Variants in SAMD12 observed in about 807,000 individuals in gnomAD.
SAMD12 encodes sterile alpha motif domain containing 12.
SAMD12 carries 9 observed loss-of-function variants against 15.0 expected under a neutral mutation model. That is an observed-to-expected ratio of 0.60 (90% CI 0.36 to 1.05). The LOEUF is 1.05. SAMD12 is among the 50% of genes least tolerant of loss of function. The pLI is 0.01. For synonymous variants in SAMD12, 86 were observed against 90.1 expected (o/e 0.96, Z 0.25); for missense variants, 230 against 234.2 (o/e 0.98, Z 0.12).
chr8:118,215,386 C>A (rs1230916385), intron 4 of SAMD12, among the ~76,000 whole-genome samples: 1 of 151,832 alleles, frequency 6.6e-6, no homozygotes, highest in Non-Finnish European at 1.5e-5. Flanking sequence ...AATGTAATAT[C>A]AAAAATAAAT....
chr8:118,454,701 A>G (rs369121002), intron 2 of SAMD12, among the ~76,000 whole-genome samples: 21 of 152,328 alleles, frequency 1.4e-4, no homozygotes, highest in African/African-American at 5.1e-4. Context: ...TTAAGTACAC[A>G]CTGTTGTGTA....
Position 118,379,111 on chromosome 8 carries a change from A to G in SAMD12, c.*306T>C. 1.8e-6 allele frequency: 2 copies of G among 1,102,166 alleles called. No individual in the cohort carries two copies. Among genetic ancestry groups the G allele is most frequent in the African/African-American group, 1.6e-5 (1 of 62,638 alleles). 68.3% of individuals were successfully genotyped at this position (1,102,166 alleles called of 1,614,324 possible). A position where few individuals can be genotyped will look rare whatever the true frequency, so the allele number is the denominator to read the frequency against. On this transcript the variant is annotated 3_prime_UTR_variant, in exon 4 of 4. Coordinates refer to ENST00000314727, the MANE Select transcript of SAMD12 (RefSeq NM_207506.3). ...CAAAAATACAACAAAAACTCCACTT[A>G]TATCACTGGTCATCGTAACTATTGA...
At chr8:118,375,515 T>G (rs1236640208), downstream of SAMD12, among the ~76,000 whole-genome samples, 1 of 152,178 alleles carries the variant, frequency 6.6e-6, no homozygotes, top group Non-Finnish European at 1.5e-5. Context: ...TTAAATTGCG[T>G]GGCTTCTATT....
intron 2 of SAMD12, among the ~76,000 whole-genome samples, chr8:118,481,394 A>T (rs1419418192): frequency 6.6e-6 from 1 of 152,182 alleles, no homozygotes; most frequent in Non-Finnish European, 1.5e-5. Flanking sequence ...GTAGGAGCTA[A>T]AACAATATTT....
intron 1 of SAMD12, among the ~76,000 whole-genome samples, chr8:118,618,122 C>G (rs1290530085): frequency 5.3e-5 from 8 of 151,862 alleles, no homozygotes; most frequent in Admixed American, 5.2e-4. Context: ...GGCGGGAAAG[C>G]ATACCTGTAA....
At chr8:118,358,553 C>A (rs537537016) in intron 4 of SAMD12, among the ~76,000 whole-genome samples, 1 of 152,166 alleles carries the variant, frequency 6.6e-6, no homozygotes, top group African/African-American at 2.4e-5. Flanking sequence ...TTATCTTCTG[C>A]TTCTTTAGCC....
chr8:118,562,498 G>A (rs1281124154), intron 2 of SAMD12, among the ~76,000 whole-genome samples: 1 of 152,172 alleles, frequency 6.6e-6, no homozygotes, highest in African/African-American at 2.4e-5. Flanking sequence ...TCTCATAGAC[G>A]AAGGAAGGGA....
chr8:118,154,567 A>G, the SAMD12 span, among the ~76,000 whole-genome samples: 4 of 152,226 alleles, frequency 2.6e-5, no homozygotes, highest in Non-Finnish European at 5.9e-5. Flanking sequence ...CACAAAGCAG[A>G]AAAGTTTTCA....
chr8:118,208,351 AAGGTATCTTTAAAC>A (rs1819926458), intron 4 of SAMD12, among the ~76,000 whole-genome samples: 1 of 152,254 alleles, frequency 6.6e-6, no homozygotes, highest in South Asian at 2.1e-4. Flanking sequence ...CTTAGAGTAG[AAGGTATCTTTAAAC>A]AGTGCTTCTC....
chr8:118,490,993 A>G (rs1824426595), intron 2 of SAMD12, among the ~76,000 whole-genome samples: 1 of 151,866 alleles, frequency 6.6e-6, no homozygotes, highest in African/African-American at 2.4e-5. Flanking sequence ...CACCAGTTAT[A>G]TAATTCTACA....
At chr8:118,601,257 T>TA (rs1398800403) in intron 1 of SAMD12, among the ~76,000 whole-genome samples, 5 of 152,136 alleles carry the variant, frequency 3.3e-5, no homozygotes, top group Non-Finnish European at 7.4e-5. Context: ...TTGCATTTTT[T>TA]AAAAAAATTC....
intron 4 of SAMD12, among the ~76,000 whole-genome samples, chr8:118,319,427 G>C (rs1057446856): frequency 1.3e-5 from 2 of 152,066 alleles, no homozygotes; most frequent in Non-Finnish European, 2.9e-5. Context: ...GGCAGAAAAA[G>C]GTGACTTGTT....
intron 3 of SAMD12, among the ~76,000 whole-genome samples, chr8:118,435,600 G>A (rs900558302): frequency 2.6e-5 from 4 of 152,180 alleles, no homozygotes; most frequent in East Asian, 1.9e-4. Flanking sequence ...GTTAAAACAT[G>A]TCTAAAGTTT....
intron 4 of SAMD12, among the ~76,000 whole-genome samples, chr8:118,361,637 A>G (rs985179844): frequency 3.3e-5 from 5 of 152,230 alleles, no homozygotes; most frequent in Admixed American, 3.3e-4. Context: ...GCACCGCAGT[A>G]ATGGATATTC....
chr8:118,201,511 T>G (rs1377282178), intron 4 of SAMD12, among the ~76,000 whole-genome samples: 1 of 152,202 alleles, frequency 6.6e-6, no homozygotes, highest in African/African-American at 2.4e-5. Context: ...TCCTCCTAAT[T>G]TTTTTGTGGG....
At chr8:118,251,107 T>A (rs929419269) in intron 4 of SAMD12, among the ~76,000 whole-genome samples, 3 of 152,052 alleles carry the variant, frequency 2.0e-5, no homozygotes, top group African/African-American at 7.2e-5. Flanking sequence ...CATAGGTATG[T>A]GCATAGGGGT....
At chr8:118,476,544 G>A (rs973510551) in intron 2 of SAMD12, among the ~76,000 whole-genome samples, 1 of 152,088 alleles carries the variant, frequency 6.6e-6, no homozygotes, top group South Asian at 2.1e-4. Context: ...CAGTTCCAAA[G>A]CTCCCAGATT....
At chr8:118,188,774 ATT>A (rs34305004), downstream of SAMD12, among the ~76,000 whole-genome samples, 1 of 149,868 alleles carries the variant, frequency 6.7e-6, no homozygotes. Context: ...TATTCAGGGG[ATT>A]TTTTTTTTAA....
chr8:118,405,366 A>G (rs1158006730), intron 3 of SAMD12, among the ~76,000 whole-genome samples: 1 of 152,220 alleles, frequency 6.6e-6, no homozygotes, highest in Non-Finnish European at 1.5e-5. Flanking sequence ...TGTTTCAACA[A>G]TGAACAACAA....
Sources: gnomAD v4.1 joint callset for allele counts (sites outside exome capture counted in the v4.1 genomes callset) on GRCh38, gnomAD v4.1.1 for gene constraint, MANE v1.5 for transcripts, NCBI Gene and HGNC (gene_info 2026-07-23, HGNC 2026-07-21) for gene names.